The following CEP192 variants were observed in gnomAD, a reference collection of about 807,000 sequenced individuals.
The protein encoded by CEP192 is centrosomal protein 192.
In CEP192, 151 loss-of-function variants were observed where a neutral mutation model predicts 271.8. The ratio of observed to expected loss-of-function variants is 0.56; its 90% confidence interval spans 0.49 to 0.64. The LOEUF is 0.64. Ranked by LOEUF, CEP192 falls within the 30% of genes least tolerant of loss-of-function variation. CEP192 has a pLI of 0.00. For synonymous variants in CEP192, 995 were observed against 1,076.5 expected (o/e 0.92, Z 1.48); for missense variants, 2,910 against 3,020.5 (o/e 0.96, Z 0.86).
intron 3 of CEP192, among the ~76,000 whole-genome samples, chr18:13,002,309 AGC>A (rs139841022): frequency 0.25 from 37,408 of 151,902 alleles, 5,452 homozygotes; most frequent in East Asian, 0.44. Flanking sequence ...AATAAGATTA[AGC>A]TCTTATTCTA....
chr18:13,094,569 C>T (rs2144781533), intron 34 of CEP192, among the ~76,000 whole-genome samples: 1 of 152,286 alleles, frequency 6.6e-6, no homozygotes, highest in South Asian at 2.1e-4. Context: ...TGTTTAGGCT[C>T]ATCGTATACT....
intron 21 of CEP192, among the ~76,000 whole-genome samples, chr18:13,065,608 C>A (rs1455935586): frequency 1.3e-5 from 2 of 152,152 alleles, no homozygotes; most frequent in Non-Finnish European, 2.9e-5. Flanking sequence ...CTATGCAGCT[C>A]TATTGTAAGC....
At chr18:13,028,291 A>C (rs932823711) in intron 9 of CEP192, among the ~76,000 whole-genome samples, 40 of 152,152 alleles carry the variant, frequency 2.6e-4, no homozygotes, top group African/African-American at 9.7e-4. Context: ...TCCTTAAGTT[A>C]ATTACATCCG....
At chr18:13,103,966 A>G in intron 39 of CEP192, 1 of 427,644 alleles carries the variant, frequency 2.3e-6, no homozygotes, top group Non-Finnish European at 4.7e-6. Context: ...CTGGGATTAC[A>G]GGTGTGAGCT....
intron 21 of CEP192, 143 bp downstream of exon 21, chr18:13,059,455 C>G (rs1568354355): frequency 3.2e-6 from 2 of 624,834 alleles, no homozygotes; most frequent in African/African-American, 3.7e-5. Context: ...TTCTTAATAT[C>G]TTTTTATTTC....
At chr18:13,075,346 T>A (rs917292430) in intron 30 of CEP192, among the ~76,000 whole-genome samples, 1 of 152,040 alleles carries the variant, frequency 6.6e-6, no homozygotes, top group Non-Finnish European at 1.5e-5. Context: ...GGCAGGTGGA[T>A]CACGAGGTCA....
chr18:13,001,306 C>T (rs992378396), intron 2 of CEP192, 151 bp from the exon 3 acceptor site: 1 of 559,138 alleles, frequency 1.8e-6, no homozygotes, highest in Non-Finnish European at 3.1e-6. Context: ...GGTTTCCGTG[C>T]TTTGCACAGA....
chr18:13,063,905 C>T (rs1477936306), intron 21 of CEP192, among the ~76,000 whole-genome samples: 1 of 151,308 alleles, frequency 6.6e-6, no homozygotes, highest in Non-Finnish European at 1.5e-5. Flanking sequence ...ACTGCAACCT[C>T]TGCCTCCCGG....
chr18:12,997,119 G>T (rs1265471651), intron 1 of CEP192, among the ~76,000 whole-genome samples: 1 of 152,138 alleles, frequency 6.6e-6, no homozygotes, highest in East Asian at 1.9e-4. Context: ...GGGCCGATTG[G>T]TAGAGTGGTT....
At chr18:13,116,251 T>TA (rs1164197164) in intron 42 of CEP192, 126 bp from the exon 43 acceptor site, 6 of 949,706 alleles carry the variant, frequency 6.3e-6, no homozygotes, top group African/African-American at 5.2e-5. Context: ...TTACAAAACT[T>TA]ATATTTGAAA....
At chr18:13,113,558 A>C (rs763396975) in intron 40 of CEP192, 28 bp from the exon 41 acceptor site, 3 of 1,608,400 alleles carry the variant, frequency 1.9e-6, no homozygotes, top group Admixed American at 1.7e-5. Flanking sequence ...ATCAGTGTCT[A>C]AATTTCTCTT....
chr18:13,113,856 T>C (rs1357687917), intron 41 of CEP192, 151 bp downstream of exon 41: 3 of 828,230 alleles, frequency 3.6e-6, no homozygotes, highest in African/African-American at 3.4e-5. Flanking sequence ...GTTTGAGGAC[T>C]GGATTTGGCT....
chr18:13,041,094 T>A, intron 14 of CEP192, 138 bp downstream of exon 14: 1 of 658,978 alleles, frequency 1.5e-6, no homozygotes, highest in Admixed American at 3.3e-5. Context: ...GGTTATAGAT[T>A]TGATTCATAT....
chr18:13,001,631 C>A, intron 3 of CEP192, 49 bp downstream of exon 3: 1 of 1,471,794 alleles, frequency 6.8e-7, no homozygotes, highest in Non-Finnish European at 9.0e-7. Flanking sequence ...GTGGGTCTTA[C>A]GCAGTCTTGT....
At chr18:13,076,844 C>T (rs893325158) in intron 30 of CEP192, among the ~76,000 whole-genome samples, 5 of 151,880 alleles carry the variant, frequency 3.3e-5, no homozygotes, top group African/African-American at 9.7e-5. Context: ...AGTGCAGTGG[C>T]GTGATCTCGG....
At chr18:13,097,627 CTT>C (rs1241957463) in intron 36 of CEP192, among the ~76,000 whole-genome samples, 5 of 115,644 alleles carry the variant, frequency 4.3e-5, no homozygotes, top group Admixed American at 8.3e-5. Flanking sequence ...GTTTTCTTTT[CTT>C]TTTTTTTTTT....
At chr18:13,113,466 G>A (rs970636756) in intron 40 of CEP192, 120 bp from the exon 41 acceptor site, 1 of 934,432 alleles carries the variant, frequency 1.1e-6, no homozygotes, top group African/African-American at 1.7e-5. Flanking sequence ...GGCAAAACTA[G>A]CCAGTGCAAA....
intron 13 of CEP192, among the ~76,000 whole-genome samples, chr18:13,038,936 T>G (rs1211742379): frequency 6.6e-6 from 1 of 152,256 alleles, no homozygotes; most frequent in Non-Finnish European, 1.5e-5. Flanking sequence ...TTGGTTGGTG[T>G]GAAGAATTCT....
At chr18:13,020,491 G>C (rs905066394) in intron 9 of CEP192, among the ~76,000 whole-genome samples, 1 of 152,132 alleles carries the variant, frequency 6.6e-6, no homozygotes, top group Non-Finnish European at 1.5e-5. Context: ...GTGGACACTT[G>C]GGTGTTTCTG....
Sources: allele counts gnomAD v4.1 joint callset (sites outside exome capture counted in the v4.1 genomes callset), GRCh38; gene constraint gnomAD v4.1.1; transcripts MANE v1.5; gene names NCBI Gene and HGNC (gene_info 2026-07-23, HGNC 2026-07-21).